Variants in FARP1 observed in about 807,000 individuals in gnomAD.
FARP1 encodes FERM, ARH/RhoGEF and pleckstrin domain protein 1.
FARP1 carries 52 observed loss-of-function variants against 128.8 expected under a neutral mutation model. The observed-to-expected ratio is 0.40, with a 90% CI of 0.32 to 0.51. The LOEUF (loss-of-function observed/expected upper bound fraction) is 0.51. Among genes scored for constraint, FARP1 ranks in the 20% least tolerant of loss-of-function variants. The pLI is 0.45. For missense variants in FARP1, 1,333 were observed against 1,367.9 expected, an observed-to-expected ratio of 0.97 and a Z score of 0.40; for synonymous variants, 580 against 551.8, an observed-to-expected ratio of 1.05 and a Z score of -0.72.
chr13:98,259,188 C>T (rs989330373), intron 2 of FARP1, among the ~76,000 whole-genome samples: 2 of 152,004 alleles, frequency 1.3e-5, no homozygotes, highest in Non-Finnish European at 2.9e-5. Context: ...GCCACTGTCA[C>T]CCCTGGGCAA....
At chr13:98,290,083 C>T (rs1467038351) in intron 2 of FARP1, among the ~76,000 whole-genome samples, 7 of 137,044 alleles carry the variant, frequency 5.1e-5, no homozygotes, top group African/African-American at 2.0e-4. Flanking sequence ...TGTTGGGTGG[C>T]GAGGAGGGAG....
At chr13:98,150,370 A>G (rs1875909227) in intron 1 of FARP1, among the ~76,000 whole-genome samples, 1 of 152,208 alleles carries the variant, frequency 6.6e-6, no homozygotes, top group East Asian at 1.9e-4. Flanking sequence ...AGATTGTTTT[A>G]TATAGCTTTA....
rs1289637885 is a variant in FARP1 at position 98,452,201 on chromosome 13, T to G, written c.*3884T>G. On this transcript the variant is annotated 3_prime_UTR_variant, in exon 27 of 27. Transcript: ENST00000319562. ...TTATTTGTGTAAGCATTCAGACATT[T>G]TTAGGTGGGAAAGATGATATGCAGA... 6.6e-6 allele frequency: 1 copy of G among 152,144 alleles called. No homozygotes were observed. The highest frequency in any genetic ancestry group is 1.9e-4 in the East Asian group (1 of 5,188). The allele number at this position is 152,144 out of a possible 1,614,324, so 9.4% of individuals were successfully genotyped here.
intron 14 of FARP1, among the ~76,000 whole-genome samples, chr13:98,409,856 T>C (rs1406601434): frequency 3.9e-5 from 6 of 152,244 alleles, no homozygotes; most frequent in Admixed American, 1.3e-4. Flanking sequence ...CACCCAGTAT[T>C]TGCCATTTTG....
chr13:98,240,849 A>C (rs2139445982), intron 2 of FARP1, among the ~76,000 whole-genome samples: 1 of 152,322 alleles, frequency 6.6e-6, no homozygotes, highest in Non-Finnish European at 1.5e-5. Context: ...GAAGGACAGA[A>C]CCAAGAGGCT....
intron 1 of FARP1, among the ~76,000 whole-genome samples, chr13:98,204,443 GT>G (rs1219015255): frequency 2.0e-5 from 3 of 152,098 alleles, no homozygotes; most frequent in African/African-American, 7.2e-5. Context: ...TTCCCTGCCA[GT>G]TTTTTAGCTG....
chr13:98,255,749 C>T (rs1230077781), intron 2 of FARP1, among the ~76,000 whole-genome samples: 1 of 152,178 alleles, frequency 6.6e-6, no homozygotes, highest in Non-Finnish European at 1.5e-5. Flanking sequence ...CTTAATAAAA[C>T]AGAGACCCTT....
chr13:98,230,981 G>A (rs2139403162), intron 2 of FARP1, among the ~76,000 whole-genome samples: 1 of 152,278 alleles, frequency 6.6e-6, no homozygotes, highest in Middle Eastern at 3.4e-3. Context: ...AAAGTGTACG[G>A]GGGAGTTGCC....
At chr13:98,345,486 A>G (rs1329152040) in intron 3 of FARP1, 1 of 152,212 alleles carries the variant, frequency 6.6e-6, no homozygotes, top group Admixed American at 6.5e-5. Context: ...CTTTCTAGGT[A>G]CCGGGCAGGG....
chr13:98,288,826 G>A (rs990889791), intron 2 of FARP1, among the ~76,000 whole-genome samples: 4 of 152,146 alleles, frequency 2.6e-5, no homozygotes, highest in Non-Finnish European at 4.4e-5. Flanking sequence ...CCTATGTGGT[G>A]TTTAAATGTT....
At chr13:98,291,443 C>T (rs1349103760) in intron 2 of FARP1, among the ~76,000 whole-genome samples, 1 of 152,128 alleles carries the variant, frequency 6.6e-6, no homozygotes, top group Non-Finnish European at 1.5e-5. Flanking sequence ...AAATCCATGT[C>T]GTTCAGAGGC....
intron 2 of FARP1, among the ~76,000 whole-genome samples, chr13:98,232,642 T>G (rs1251161592): frequency 6.6e-6 from 1 of 152,224 alleles, no homozygotes; most frequent in Non-Finnish European, 1.5e-5. Context: ...TGTTGCACAC[T>G]TACTAGACTA....
chr13:98,346,207 T>TTTTTTTA (rs1888171315), intron 3 of FARP1, among the ~76,000 whole-genome samples: 4 of 108,138 alleles, frequency 3.7e-5, no homozygotes, highest in East Asian at 3.2e-4. Context: ...TTTTTTTTTT[T>TTTTTTTA]GAGAAGGTGT....
chr13:98,270,045 CAGTGAGCTGAGAT>C (rs1429461626), intron 2 of FARP1, among the ~76,000 whole-genome samples: 3 of 152,202 alleles, frequency 2.0e-5, no homozygotes, highest in African/African-American at 7.2e-5. Context: ...GCGGAGGTTG[CAGTGAGCTGAGAT>C]CACTGAATCT....
At position 98,235,222 on chromosome 13, in the gene FARP1, A is replaced by C. The variant is rs77263389; in HGVS notation, c.171+21809A>C. Among the ~76,000 whole-genome samples the C allele has an allele frequency of 7.6e-3, 1,153 of 152,148 alleles. 14 individuals carry two copies. The highest frequency in any genetic ancestry group is 0.025 in the African/African-American group (1,049 of 41,510). On this transcript the variant is annotated intron_variant, in intron 2 of 26. Transcript: ENST00000319562. ...CCTTCATCAGTTTTACAGAGAACTT[A>C]GTGTGGTCCTCCCCAGGCAATACCC...
chr13:98,443,907 G>T (rs543581070), intron 24 of FARP1, among the ~76,000 whole-genome samples: 3 of 152,268 alleles, frequency 2.0e-5, no homozygotes, highest in Non-Finnish European at 2.9e-5. Flanking sequence ...TGAGGCCAGG[G>T]AGTGGCGGGC....
At chr13:98,395,592 ATCCCGG>A (rs771563231) in intron 13 of FARP1, 116 bp downstream of exon 13, 61 of 1,263,610 alleles carry the variant, frequency 4.8e-5, no homozygotes, top group Non-Finnish European at 6.1e-5. Context: ...CCCGGTCCCG[ATCCCGG>A]TCCCGGTCCC....
chr13:98,312,067 G>A (rs1640853354), intron 2 of FARP1, among the ~76,000 whole-genome samples: 1 of 144,014 alleles, frequency 6.9e-6, no homozygotes, highest in Non-Finnish European at 1.5e-5. Context: ...GGCTGGTCTT[G>A]AACTCCTTAC....
chr13:98,312,589 C>T (rs1886525872), intron 2 of FARP1, among the ~76,000 whole-genome samples: 1 of 152,094 alleles, frequency 6.6e-6, no homozygotes, highest in Admixed American at 6.5e-5. Flanking sequence ...AATGCTTCCC[C>T]CCCCACCGGA....
Sources: gnomAD v4.1 joint callset for allele counts (sites outside exome capture counted in the v4.1 genomes callset) on GRCh38, gnomAD v4.1.1 for gene constraint, MANE v1.5 for transcripts, NCBI Gene and HGNC (gene_info 2026-07-23, HGNC 2026-07-21) for gene names.